The following DENND1A variants were observed in gnomAD, a reference collection of about 807,000 sequenced individuals.
The protein encoded by DENND1A is DENN domain-containing protein 1A.
Under a neutral mutation model 113.7 loss-of-function variants are expected in DENND1A, and 51 were observed. The observed-to-expected ratio is 0.45, with a 90% CI of 0.36 to 0.57. The LOEUF (loss-of-function observed/expected upper bound fraction) is 0.57. Ranked by LOEUF, DENND1A falls within the 20% of genes least tolerant of loss-of-function variation. The pLI, the probability that DENND1A is intolerant of heterozygous loss-of-function variation, is 0.00. For synonymous variants in DENND1A, 565 were observed against 570.8 expected (o/e 0.99, Z 0.14); for missense variants, 1,258 against 1,395.9 (o/e 0.90, Z 1.57).
intron 9 of DENND1A, among the ~76,000 whole-genome samples, chr9:123,642,923 G>T (rs550452492): frequency 3.9e-5 from 6 of 152,208 alleles, no homozygotes; most frequent in Non-Finnish European, 7.3e-5. Flanking sequence ...GGTGGCGTTC[G>T]TCAGGAAAGT....
intron 21 of DENND1A, among the ~76,000 whole-genome samples, chr9:123,389,629 A>C (rs2130997549): frequency 6.6e-6 from 1 of 152,362 alleles, no homozygotes; most frequent in South Asian, 2.1e-4. Flanking sequence ...TCTCCTGCTA[A>C]AACCTATAAA....
At chr9:123,434,041 T>A (rs1454873889) in intron 19 of DENND1A, among the ~76,000 whole-genome samples, 2 of 152,242 alleles carry the variant, frequency 1.3e-5, no homozygotes, top group Admixed American at 1.3e-4. Flanking sequence ...AAATCCTTTT[T>A]TTTGAGATGG....
intron 2 of DENND1A, among the ~76,000 whole-genome samples, chr9:123,800,741 T>G (rs1022971289): frequency 1.3e-5 from 2 of 152,174 alleles, no homozygotes; most frequent in African/African-American, 4.8e-5. Context: ...GACTCCAAAG[T>G]AACTGGCACT....
chr9:123,521,856 C>T (rs2054420382), intron 13 of DENND1A, among the ~76,000 whole-genome samples: 1 of 152,186 alleles, frequency 6.6e-6, no homozygotes, highest in African/African-American at 2.4e-5. Context: ...ATGCTACCAT[C>T]CCCCGACCTA....
chr9:123,537,866 A>C (rs1447685919), intron 13 of DENND1A, among the ~76,000 whole-genome samples: 1 of 152,258 alleles, frequency 6.6e-6, no homozygotes, highest in East Asian at 1.9e-4. Flanking sequence ...AACTTTTAAC[A>C]ACGGACAGAA....
At chr9:123,757,861 A>G in intron 4 of DENND1A, 39 bp from the exon 5 acceptor site, 1 of 1,604,302 alleles carries the variant, frequency 6.2e-7, no homozygotes, top group Non-Finnish European at 8.5e-7. Flanking sequence ...ATGAATGTGC[A>G]GTAAGTTTCT....
At chr9:123,756,176 T>G (rs1479914743) in intron 5 of DENND1A, among the ~76,000 whole-genome samples, 2 of 152,178 alleles carry the variant, frequency 1.3e-5, no homozygotes, top group Non-Finnish European at 2.9e-5. Flanking sequence ...CGTCCCAAAG[T>G]GCTAGGATTA....
rs560360258 is a variant in DENND1A at position 123,382,968 on chromosome 9, C to G, written c.2020-343G>C. Among the ~76,000 whole-genome samples, 11 of 152,352 alleles carry G rather than the reference C, an allele frequency of 7.2e-5. No homozygotes were observed. In the East Asian group the frequency reaches 2.1e-3, roughly 29 times the overall value. ...GCAATCACCTGTAAGCCCGGGGGCGCGAGTGAGACTCAGGGCCTGGTAGGA... is the reference window on the plus strand; with the variant it reads ...GCAATCACCTGTAAGCCCGGGGGCGGGAGTGAGACTCAGGGCCTGGTAGGA... On this transcript the variant is annotated intron_variant, in intron 23 of 23. Coordinates refer to ENST00000394215, the MANE Select transcript of DENND1A (RefSeq NM_001352964.2).
intron 13 of DENND1A, among the ~76,000 whole-genome samples, chr9:123,502,121 A>G (rs1386633097): frequency 4.6e-5 from 7 of 151,986 alleles, no homozygotes; most frequent in South Asian, 2.1e-4. Flanking sequence ...CTATATATCT[A>G]TATCTACATA....
At chr9:123,589,927 T>C (rs1420957690) in intron 11 of DENND1A, among the ~76,000 whole-genome samples, 2 of 152,246 alleles carry the variant, frequency 1.3e-5, no homozygotes, top group Non-Finnish European at 2.9e-5. Context: ...GGGGGCTTAC[T>C]GTAGGCAACT....
chr9:123,674,396 T>C (rs1440076301), intron 6 of DENND1A, among the ~76,000 whole-genome samples: 7 of 135,790 alleles, frequency 5.2e-5, no homozygotes, highest in African/African-American at 2.0e-4. Context: ...ACACACACAA[T>C]AGAAGCCTAT....
In DENND1A at chr9:123,411,809, G is replaced by T; in HGVS notation, c.1509C>A (p.Thr503=). ...AGCGCTGTATCTTGGGAGGCGGTCGGGTGGGACGCAGTCTCTGCAGCTGCA... is the reference window on the plus strand; with the variant it reads ...AGCGCTGTATCTTGGGAGGCGGTCGTGTGGGACGCAGTCTCTGCAGCTGCA... ...HFGQLQRLRP[T]RPPPKIQRSR... Residue 503 remains threonine, a synonymous_variant, in exon 20 of 24, where the codon ACC becomes ACA. Transcript: ENST00000394215. 1 of 985,918 alleles carries T rather than the reference G, an allele frequency of 1.0e-6. No homozygotes were observed. Among genetic ancestry groups the T allele is most frequent in the African/African-American group, 1.7e-5 (1 of 57,314 alleles). 61.1% of individuals were successfully genotyped at this position (985,918 alleles called of 1,614,324 possible).
intron 12 of DENND1A, among the ~76,000 whole-genome samples, chr9:123,572,541 T>C (rs774860176): frequency 1.3e-5 from 2 of 152,226 alleles, no homozygotes; most frequent in Non-Finnish European, 2.9e-5. Flanking sequence ...TAGAACCTTG[T>C]TGTGACATTA....
intron 1 of DENND1A, among the ~76,000 whole-genome samples, chr9:123,885,913 G>C (rs1311459170): frequency 6.6e-6 from 1 of 152,150 alleles, no homozygotes; most frequent in African/African-American, 2.4e-5. Context: ...CCAAGTAGCT[G>C]GGATTACAGG....
intron 9 of DENND1A, among the ~76,000 whole-genome samples, chr9:123,636,680 T>C (rs1032116145): frequency 6.7e-5 from 10 of 148,690 alleles, no homozygotes; most frequent in African/African-American, 2.5e-4. Flanking sequence ...TGAGGAAGAA[T>C]AGGCAAGATT....
At chr9:123,465,308 ATTTTTT>A (rs60428558) in intron 13 of DENND1A, among the ~76,000 whole-genome samples, 2 of 80,116 alleles carry the variant, frequency 2.5e-5, no homozygotes, top group African/African-American at 9.4e-5. Context: ...TTTGTCTTTG[ATTTTTT>A]TTTTTTTTTT....
At chr9:123,451,947 C>A (rs1209660927) in intron 17 of DENND1A, among the ~76,000 whole-genome samples, 1 of 151,326 alleles carries the variant, frequency 6.6e-6, no homozygotes, top group Non-Finnish European at 1.5e-5. Context: ...CTGGTAATCC[C>A]AGCACTTTGG....
At chr9:123,690,496 A>G (rs1257507723) in intron 5 of DENND1A, among the ~76,000 whole-genome samples, 1 of 152,234 alleles carries the variant, frequency 6.6e-6, no homozygotes, top group Non-Finnish European at 1.5e-5. Context: ...TTAAAATCAG[A>G]CTATAGAAGA....
chr9:123,668,515 T>C (rs912789483), intron 7 of DENND1A, among the ~76,000 whole-genome samples: 1 of 152,140 alleles, frequency 6.6e-6, no homozygotes, highest in African/African-American at 2.4e-5. Flanking sequence ...TACAAATGGG[T>C]AAATTAATGC....
Sources: allele counts gnomAD v4.1 joint callset (sites outside exome capture counted in the v4.1 genomes callset), GRCh38; gene constraint gnomAD v4.1.1; transcripts MANE v1.5; gene names NCBI Gene and HGNC (gene_info 2026-07-23, HGNC 2026-07-21).